MARCHF10: variants seen among roughly 807,000 people sequenced by gnomAD.
MARCHF10 encodes membrane associated ring-CH-type finger 10, also known as probable E3 ubiquitin-protein ligase MARCHF10.
Under a neutral mutation model 76.2 loss-of-function variants are expected in MARCHF10, and 64 were observed. The ratio of observed to expected loss-of-function variants is 0.84; its 90% CI spans 0.69 to 1.03. The LOEUF (loss-of-function observed/expected upper bound fraction) is 1.03. Among genes scored for constraint, MARCHF10 ranks in the 50% least tolerant of loss-of-function variants. The pLI is 0.00. For missense variants in MARCHF10, 875 were observed against 958.0 expected, an observed-to-expected ratio of 0.91 and a Z score of 1.14; for synonymous variants, 340 against 357.5, an observed-to-expected ratio of 0.95 and a Z score of 0.55.
chr17:62,705,278 G>A (rs1323549440), intron 10 of MARCHF10: 8 of 1,418,268 alleles, frequency 5.6e-6, no homozygotes, highest in East Asian at 2.6e-5. Context: ...ATCTCATGCC[G>A]GAAGATAACC....
intron 2 of MARCHF10, among the ~76,000 whole-genome samples, chr17:62,801,199 C>T (rs12450089): frequency 0.02 from 3,075 of 152,158 alleles, 45 homozygotes; most frequent in Non-Finnish European, 0.028. Flanking sequence ...CGCTGTGTTG[C>T]CCAGGCTAAA....
chr17:62,719,806 C>T (rs953252992), intron 8 of MARCHF10, among the ~76,000 whole-genome samples: 4 of 152,104 alleles, frequency 2.6e-5, no homozygotes, highest in Admixed American at 1.3e-4. Flanking sequence ...GTGTCTATTA[C>T]ACCTTTTGGA....
chr17:62,737,357 T>G, intron 5 of MARCHF10, 25 bp from the exon 6 acceptor site: 1 of 1,592,116 alleles, frequency 6.3e-7, no homozygotes, highest in East Asian at 2.2e-5. Flanking sequence ...GACACATTTA[T>G]CGTTCCAGTA....
intron 3 of MARCHF10, among the ~76,000 whole-genome samples, chr17:62,783,047 A>C (rs879077016): frequency 6.6e-6 from 1 of 152,166 alleles, no homozygotes; most frequent in Non-Finnish European, 1.5e-5. Context: ...CACTTGTGCA[A>C]TCAGGGCTCA....
chr17:62,761,984 A>C (rs1026543810), intron 3 of MARCHF10, among the ~76,000 whole-genome samples: 9 of 152,176 alleles, frequency 5.9e-5, no homozygotes, highest in African/African-American at 2.2e-4. Context: ...TCCAGCCAGC[A>C]GAAAGGCAGG....
intron 4 of MARCHF10, among the ~76,000 whole-genome samples, chr17:62,750,702 G>T (rs187508882): frequency 4.6e-5 from 7 of 152,314 alleles, no homozygotes; most frequent in Non-Finnish European, 8.8e-5. Flanking sequence ...CAGCGTCACT[G>T]CGGAGTTAAC....
Position 62,781,853 on chromosome 17 carries a change from T to C in MARCHF10, c.210+6627A>G, listed in dbSNP as rs536958120. 2.6e-5 allele frequency among the ~76,000 whole-genome samples: 4 copies of C among 152,304 alleles called. No homozygotes were observed. In the East Asian group the frequency reaches 7.7e-4, roughly 29 times the overall value. On this transcript the variant is annotated intron_variant, in intron 3 of 10. Transcript: ENST00000311269. ...CAATATAAGTGTCAAAATTTGGTAG[T>C]GGTAAGAAGCACATAGTGACTGAAT...
chr17:62,706,628 C>T (rs1164234525), intron 9 of MARCHF10, among the ~76,000 whole-genome samples: 3 of 152,262 alleles, frequency 2.0e-5, no homozygotes, highest in East Asian at 1.9e-4. Context: ...AATGAACCAA[C>T]GGGGATTTGA....
chr17:62,735,715 A>G (rs1174964422), intron 6 of MARCHF10: 8 of 546,976 alleles, frequency 1.5e-5, no homozygotes, highest in Non-Finnish European at 2.5e-5. Context: ...TTTGGGAAAT[A>G]GAGAAGAAAC....
chr17:62,747,541 T>C (rs1353727203), intron 4 of MARCHF10, among the ~76,000 whole-genome samples: 1 of 152,212 alleles, frequency 6.6e-6, no homozygotes, highest in African/African-American at 2.4e-5. Context: ...TGTAAAATGG[T>C]CCATCTTGTT....
chr17:62,713,917 T>C (rs1243290223), intron 8 of MARCHF10, among the ~76,000 whole-genome samples: 3 of 152,206 alleles, frequency 2.0e-5, no homozygotes, highest in African/African-American at 7.2e-5. Flanking sequence ...CCAGCTGTTT[T>C]CTCCATTTTG....
chr17:62,729,152 A>G (rs575882416), intron 6 of MARCHF10, among the ~76,000 whole-genome samples: 1 of 151,982 alleles, frequency 6.6e-6, no homozygotes, highest in Admixed American at 6.6e-5. Context: ...CATGTTGCCC[A>G]GGCTGGTCTT....
chr17:62,781,567 T>A (rs563207009), intron 3 of MARCHF10, among the ~76,000 whole-genome samples: 1 of 152,316 alleles, frequency 6.6e-6, no homozygotes, highest in East Asian at 1.9e-4. Flanking sequence ...TAGGTATTGC[T>A]TCATCTTGGA....
chr17:62,739,715 G>C (rs1227064354), intron 5 of MARCHF10, among the ~76,000 whole-genome samples: 1 of 152,142 alleles, frequency 6.6e-6, no homozygotes, highest in African/African-American at 2.4e-5. Flanking sequence ...TTGTTGGAGG[G>C]CCTTGGAGGT....
intron 6 of MARCHF10, among the ~76,000 whole-genome samples, chr17:62,727,204 T>C (rs986496823): frequency 2.0e-5 from 3 of 152,214 alleles, no homozygotes; most frequent in African/African-American, 7.2e-5. Flanking sequence ...AATATCTGAC[T>C]CTTAACTTAA....
intron 3 of MARCHF10, among the ~76,000 whole-genome samples, chr17:62,767,826 G>A (rs1224069321): frequency 1.3e-5 from 2 of 152,042 alleles, no homozygotes; most frequent in Non-Finnish European, 2.9e-5. Flanking sequence ...CTTCTAAATC[G>A]CTAAGAGTTG....
chr17:62,777,663 G>A (rs1261731782), intron 3 of MARCHF10, among the ~76,000 whole-genome samples: 4 of 131,236 alleles, frequency 3.0e-5, no homozygotes, highest in African/African-American at 5.5e-5. Flanking sequence ...GCAGTGAACC[G>A]AGATCCTGCC....
chr17:62,701,915 C>T (rs1478714774), intron 10 of MARCHF10, among the ~76,000 whole-genome samples, 157 bp from the exon 11 acceptor site: 3 of 152,192 alleles, frequency 2.0e-5, no homozygotes, highest in African/African-American at 7.2e-5. Context: ...GGAACAGAGA[C>T]CTGCAGTCTG....
chr17:62,741,819 C>T (rs965232038), intron 5 of MARCHF10, among the ~76,000 whole-genome samples: 8 of 151,614 alleles, frequency 5.3e-5, no homozygotes, highest in South Asian at 4.2e-4. Context: ...CTCAGCCTCC[C>T]GAGTAGCTGG....
Sources: allele counts gnomAD v4.1 joint callset (sites outside exome capture counted in the v4.1 genomes callset), GRCh38; gene constraint gnomAD v4.1.1; transcripts MANE v1.5; gene names NCBI Gene and HGNC (gene_info 2026-07-23, HGNC 2026-07-21).